Variants in ZNF780B observed in about 807,000 individuals in gnomAD.
The protein encoded by ZNF780B is zinc finger protein 780B.
ZNF780B carries 52 observed loss-of-function variants against 74.1 expected under a neutral mutation model. The ratio of observed to expected loss-of-function variants is 0.70; its 90% CI spans 0.56 to 0.88. The LOEUF is 0.88. ZNF780B is among the 40% of genes least tolerant of loss of function. The pLI, the probability that ZNF780B is intolerant of heterozygous loss-of-function variation, is 0.00. For synonymous variants in ZNF780B, 315 were observed against 324.3 expected (o/e 0.97, Z 0.31); for missense variants, 953 against 1,007.6 (o/e 0.95, Z 0.73).
chr19:40,034,311 T>G lies in ZNF780B; in HGVS notation c.*46A>C, dbSNP rs1211933919. ...AAATCTATAATGTCCATGAAATTGG[T>G]AATGATATTGAAAGGCCTTCCCACA... On this transcript the variant is annotated 3_prime_UTR_variant, in exon 5 of 5. Transcript: ENST00000434248. 2 of 1,439,194 alleles carry G rather than the reference T, an allele frequency of 1.4e-6. No homozygotes were observed. The highest frequency in any genetic ancestry group is 1.9e-6 in the Non-Finnish European group (2 of 1,047,660). 89.2% of individuals were successfully genotyped at this position (1,439,194 alleles called of 1,614,324 possible). A position where few individuals can be genotyped will look rare whatever the true frequency, so the allele number is the denominator to read the frequency against.
chr19:40,051,499 TA>T (rs1294677198), intron 1 of ZNF780B, among the ~76,000 whole-genome samples: 2 of 152,154 alleles, frequency 1.3e-5, no homozygotes, highest in Admixed American at 6.5e-5. Context: ...GTACAATTTC[TA>T]AAAAAAATTG....
chr19:40,035,488 A>G lies in ZNF780B; in HGVS notation c.1371T>C (p.His457=), dbSNP rs758704811. Reference sequence around the variant, plus strand: ...TTTGGCAATGTTGAATAAGTTGGTAATGATATCGAAAGGCCATCTCACATT... The same window carrying G: ...TTTGGCAATGTTGAATAAGTTGGTAGTGATATCGAAAGGCCATCTCACATT... The part of the protein sequence containing the change: ...CRECEMAFRY[H]YQLIQHCQIH... The change falls in exon 5 of 5, where the codon CAT becomes CAC. Residue 457 remains histidine (H), a synonymous_variant. Transcript: ENST00000434248. The G allele has an allele frequency of 1.9e-6, 3 of 1,614,118 alleles. No homozygotes were observed. The highest frequency in any genetic ancestry group is 1.7e-4 in the Middle Eastern group (1 of 6,060).
intron 2 of ZNF780B, chr19:40,049,001 A>C (rs991036187): frequency 9.9e-5 from 68 of 688,616 alleles, no homozygotes; most frequent in Non-Finnish European, 1.5e-4. Flanking sequence ...AGGTGGAAGG[A>C]CTGCTTGAGC....
At chr19:40,040,374 T>G (rs1222623936) in intron 4 of ZNF780B, among the ~76,000 whole-genome samples, 3 of 152,366 alleles carry the variant, frequency 2.0e-5, no homozygotes, top group African/African-American at 7.2e-5. Flanking sequence ...AAATTCTCTT[T>G]TTTCGTTGTG....
At chr19:40,047,515 ATT>A in intron 3 of ZNF780B, 45 bp from the exon 4 acceptor site, 1 of 1,434,822 alleles carries the variant, frequency 7.0e-7, no homozygotes, top group Non-Finnish European at 9.4e-7. Context: ...TAATATAAAA[ATT>A]TTTTTTAAAC....
At chr19:40,051,556 T>C (rs919553608) in intron 1 of ZNF780B, among the ~76,000 whole-genome samples, 3 of 152,214 alleles carry the variant, frequency 2.0e-5, no homozygotes, top group Admixed American at 6.5e-5. Flanking sequence ...ATGATGGTCA[T>C]ATTTCTACAT....
chr19:40,045,578 C>T (rs2144791958), intron 4 of ZNF780B, among the ~76,000 whole-genome samples: 1 of 152,192 alleles, frequency 6.6e-6, no homozygotes, highest in Admixed American at 6.5e-5. Context: ...CCTAAGTGTC[C>T]CCCAACAGAC....
At chr19:40,055,802 G>A (rs1233144836) in intron 1 of ZNF780B, among the ~76,000 whole-genome samples, 2 of 152,130 alleles carry the variant, frequency 1.3e-5, no homozygotes, top group Admixed American at 6.5e-5. Context: ...TCCCTACTGG[G>A]GACATTTTCA....
In ZNF780B at chr19:40,051,361, T is replaced by C. The variant is rs149827676; in HGVS notation, c.-45-984A>G. Among the ~76,000 whole-genome samples the C allele has an allele frequency of 6.7e-3, 1,013 of 152,274 alleles. 5 individuals carry two copies. The highest frequency in any genetic ancestry group is 0.012 in the Non-Finnish European group (792 of 68,016). Reference sequence around the variant, plus strand: ...TGAAAGACATCTTTTATTTAGACATTTTCCTTTCAACGTGGGGACAAAAAA... The same window carrying C: ...TGAAAGACATCTTTTATTTAGACATCTTCCTTTCAACGTGGGGACAAAAAA... On this transcript the variant is annotated intron_variant, in intron 1 of 4. Coordinates refer to ENST00000434248, the MANE Select transcript of ZNF780B (RefSeq NM_001005851.3).
intron 2 of ZNF780B, among the ~76,000 whole-genome samples, chr19:40,050,042 A>C (rs989155777): frequency 6.6e-6 from 1 of 151,768 alleles, no homozygotes; most frequent in African/African-American, 2.4e-5. Context: ...CCAAAAATAC[A>C]AAAAATTAGC....
rs758986121 is a variant in ZNF780B, at chr19:40,036,213, T to C, written c.646A>G (p.Thr216Ala). Residue 216 changes from threonine (T) to alanine (A), a missense_variant, in exon 5 of 5, where the codon ACT (threonine) becomes GCT (alanine). Thr to Ala is a moderately conservative substitution (Grantham distance 58). Coordinates refer to ENST00000434248, the MANE Select transcript of ZNF780B (RefSeq NM_001005851.3). ...IQLTRHQKFHTGEKTFECKEC... is the reference protein window; with the variant it reads ...IQLTRHQKFHAGEKTFECKEC... ...TTACATTCAAAAGTTTTCTCACCAGTATGAAATTTCTGATGTCGAGTAAGT... is the reference window on the plus strand; with the variant it reads ...TTACATTCAAAAGTTTTCTCACCAGCATGAAATTTCTGATGTCGAGTAAGT... 3 of 1,611,844 alleles carry C rather than the reference T, an allele frequency of 1.9e-6. No individual in the cohort carries two copies. Among genetic ancestry groups the C allele is most frequent in the Non-Finnish European group, 2.5e-6 (3 of 1,179,396 alleles).
intron 1 of ZNF780B, among the ~76,000 whole-genome samples, chr19:40,050,691 A>T (rs932347308): frequency 1.4e-4 from 22 of 152,244 alleles, no homozygotes; most frequent in Non-Finnish European, 3.2e-4. Context: ...TTGGGATACC[A>T]ATCTTGGCCT....
At chr19:40,038,236 A>C (rs1429872598) in intron 4 of ZNF780B, among the ~76,000 whole-genome samples, 9 of 150,890 alleles carry the variant, frequency 6.0e-5, no homozygotes, top group South Asian at 4.2e-4. Context: ...CCTACAAAGG[A>C]CATGAACTCA....
intron 4 of ZNF780B, among the ~76,000 whole-genome samples, chr19:40,043,306 G>T (rs965075864): frequency 6.6e-6 from 1 of 152,206 alleles, no homozygotes; most frequent in Non-Finnish European, 1.5e-5. Flanking sequence ...GTACCCGGCC[G>T]TGTGAGGTGT....
chr19:40,051,540 G>A (rs1036058173), intron 1 of ZNF780B, among the ~76,000 whole-genome samples: 1 of 152,036 alleles, frequency 6.6e-6, no homozygotes, highest in African/African-American at 2.4e-5. Context: ...TTTCTTGTAT[G>A]CATTAATGAT....
intron 4 of ZNF780B, among the ~76,000 whole-genome samples, chr19:40,042,477 G>C (rs1219229525): frequency 1.3e-5 from 2 of 152,168 alleles, no homozygotes; most frequent in East Asian, 3.8e-4. Flanking sequence ...AGTTCTCCTG[G>C]ATAATATCCT....
In ZNF780B at chr19:40,036,435, TC is replaced by T; in HGVS notation, c.423del (p.Lys142ArgfsTer133). 6.2e-7 allele frequency: 1 copy of T among 1,608,996 alleles called. No homozygotes were observed. The highest frequency in any genetic ancestry group is 8.5e-7 in the Non-Finnish European group (1 of 1,178,510). On this transcript the variant is annotated frameshift_variant, in exon 5 of 5. Coordinates refer to ENST00000434248, the MANE Select transcript of ZNF780B (RefSeq NM_001005851.3). LOFTEE classifies it high-confidence loss of function. ...GGCATTTCTTCATAGCTGATGATCT[TC>T]TGGTTGATATATCCTTCTTGATGTC... is the stretch of plus-strand genomic sequence containing the variant. Reference protein sequence around the residue: ...RQGHQEGYINQKIISYEEMPA... With the variant: ...RQGHQEGYINXKIISYEEMPA...
chr19:40,044,607 C>A (rs1185405043), intron 4 of ZNF780B, among the ~76,000 whole-genome samples: 1 of 152,198 alleles, frequency 6.6e-6, no homozygotes, highest in African/African-American at 2.4e-5. Flanking sequence ...ACCAACCCTA[C>A]AAGATATGTT....
chr19:40,054,925 A>G (rs1973417409), intron 1 of ZNF780B, among the ~76,000 whole-genome samples: 1 of 152,182 alleles, frequency 6.6e-6, no homozygotes, highest in South Asian at 2.1e-4. Context: ...AAGTATTACA[A>G]TTATCATCTC....
Sources: allele counts gnomAD v4.1 joint callset (sites outside exome capture counted in the v4.1 genomes callset), GRCh38; gene constraint gnomAD v4.1.1; transcripts MANE v1.5; gene names NCBI Gene and HGNC (gene_info 2026-07-23, HGNC 2026-07-21).